The following BEND4 variants were observed in gnomAD, a reference collection of about 807,000 sequenced individuals.
The protein encoded by BEND4 is BEN domain-containing protein 4.
BEND4 carries 27 observed loss-of-function variants against 54.7 expected under a neutral mutation model. The ratio of observed to expected loss-of-function variants is 0.49; its 90% CI spans 0.36 to 0.68. BEND4 has a LOEUF of 0.68. Ranked by LOEUF, BEND4 falls within the 30% of genes least tolerant of loss-of-function variation. BEND4 has a pLI of 0.00. For missense variants in BEND4, 702 were observed against 697.2 expected (o/e 1.01, Z -0.08); for synonymous variants, 327 against 299.5 (o/e 1.09, Z -0.95).
rs185849094 is a variant in BEND4 at position 42,133,047 on chromosome 4, G to A, written c.1055-7373C>T. Among the ~76,000 whole-genome samples, 1,291 of 152,244 alleles carry A rather than the reference G, an allele frequency of 8.5e-3. 9 individuals carry two copies. Among genetic ancestry groups the A allele is most frequent in the Non-Finnish European group, 0.014 (929 of 68,010 alleles). On this transcript the variant is annotated intron_variant, in intron 3 of 5. Coordinates refer to ENST00000502486, the MANE Select transcript of BEND4 (RefSeq NM_207406.4). ...ATCCTGGAAACAGTAAAATACTTAAGAGGAAGAAAGGAAATAAGGAAGGTC... is the reference window on the plus strand; with the variant it reads ...ATCCTGGAAACAGTAAAATACTTAAAAGGAAGAAAGGAAATAAGGAAGGTC...
chr4:42,142,124 C>G (rs1409241028), intron 3 of BEND4, among the ~76,000 whole-genome samples: 1 of 151,418 alleles, frequency 6.6e-6, no homozygotes. Flanking sequence ...CCAGGATGGT[C>G]TCGATCACCT....
Position 42,132,965 on chromosome 4 carries a change from GATATTT to G in BEND4, c.1055-7297_1055-7292del, listed in dbSNP as rs374054677. ...CGTACCTACTACCTATCCTGATATTGATATTTATAATTTTTTTCTCCTCTATGTAAC... is the reference window on the plus strand; with the variant it reads ...CGTACCTACTACCTATCCTGATATTGATAATTTTTTTCTCCTCTATGTAAC... On this transcript the variant is annotated intron_variant, in intron 3 of 5. Coordinates refer to ENST00000502486, the MANE Select transcript of BEND4 (RefSeq NM_207406.4). 1.1e-3 allele frequency among the ~76,000 whole-genome samples: 170 copies of G among 152,238 alleles called. 2 individuals are homozygous for G. The highest frequency in any genetic ancestry group is 3.8e-3 in the African/African-American group (156 of 41,542).
chr4:42,148,875 A>C (rs1188657036), intron 2 of BEND4, among the ~76,000 whole-genome samples: 3 of 152,230 alleles, frequency 2.0e-5, no homozygotes, highest in Non-Finnish European at 4.4e-5. Context: ...ACAGAGGAAA[A>C]ATATGCTTTT....
At chr4:42,123,694 G>GAAAAAAAAAAACAAAAAAAAAAA (rs1553921966) in intron 4 of BEND4, among the ~76,000 whole-genome samples, 1 of 50,808 alleles carries the variant, frequency 2.0e-5, no homozygotes, top group African/African-American at 7.5e-5. Flanking sequence ...CTGTAATTCA[G>GAAAAAAAAAAACAAAAAAAAAAA]AAAAAAAAAA....
chr4:42,132,355 C>G (rs1458688162), intron 3 of BEND4, among the ~76,000 whole-genome samples: 1 of 152,194 alleles, frequency 6.6e-6, no homozygotes, highest in Non-Finnish European at 1.5e-5. Context: ...AGCAAGAGGT[C>G]AGGGGATCGT....
chr4:42,142,249 G>A (rs970308929), intron 3 of BEND4, among the ~76,000 whole-genome samples: 2 of 151,494 alleles, frequency 1.3e-5, no homozygotes, highest in African/African-American at 2.4e-5. Context: ...AATTAAAAAG[G>A]TTTGAAGAGA....
intron 1 of BEND4, 24 bp downstream of exon 1, chr4:42,152,508 C>CG (rs1721346054): frequency 6.4e-6 from 1 of 155,816 alleles, no homozygotes; most frequent in Non-Finnish European, 1.4e-5. Flanking sequence ...CGACGGGGAG[C>CG]GGGGGAAGGG....
At chr4:42,117,804 G>C in intron 5 of BEND4, 69 bp from the exon 6 acceptor site, 5 of 1,062,830 alleles carry the variant, frequency 4.7e-6, no homozygotes, top group Non-Finnish European at 6.8e-6. Context: ...GAAGATGACA[G>C]GGCAGGCTGC....
chr4:42,125,826 A>T (rs916017896), intron 3 of BEND4, among the ~76,000 whole-genome samples, 152 bp from the exon 4 acceptor site: 3 of 151,942 alleles, frequency 2.0e-5, no homozygotes, highest in Non-Finnish European at 4.4e-5. Context: ...GCAACCTTGA[A>T]CTCCCAGGCT....
Position 42,125,603 on chromosome 4 carries a change from G to C in BEND4, c.1126C>G (p.Pro376Ala). 1 of 1,613,686 alleles carries C rather than the reference G, an allele frequency of 6.2e-7. No homozygotes were observed. Among genetic ancestry groups the C allele is most frequent in the Non-Finnish European group, 8.5e-7 (1 of 1,179,662 alleles). The change falls in exon 4 of 6, where the codon CCA (proline) becomes GCA (alanine). Residue 376 changes from proline to alanine, a missense_variant. By Grantham distance (27) the Pro-to-Ala change is conservative. Coordinates refer to ENST00000502486, the MANE Select transcript of BEND4 (RefSeq NM_207406.4). ...QHHNQLLIPQ[P>A]ADQPTEGSKQ... is the part of the protein sequence containing the mutation. ...CCTACCTCTGTCGGCTGGTCAGCTG[G>C]CTGTGGTATCAGGAGTTGGTTGTGG...
chr4:42,149,726 G>C (rs1487851635), intron 2 of BEND4, among the ~76,000 whole-genome samples: 1 of 150,642 alleles, frequency 6.6e-6, no homozygotes, highest in Non-Finnish European at 1.5e-5. Flanking sequence ...AGAAAAGGAA[G>C]GAAAAAAAAA....
chr4:42,118,192 C>T (rs1421311872), intron 5 of BEND4, among the ~76,000 whole-genome samples: 1 of 152,136 alleles, frequency 6.6e-6, no homozygotes, highest in African/African-American at 2.4e-5. Flanking sequence ...AAATAACAGT[C>T]TTAATGACTG....
chr4:42,129,462 T>G (rs768883596), intron 3 of BEND4, among the ~76,000 whole-genome samples: 1 of 152,116 alleles, frequency 6.6e-6, no homozygotes, highest in Non-Finnish European at 1.5e-5. Context: ...AGAGCCCATA[T>G]AGCCATGACA....
chr4:42,113,731 T>C lies in BEND4; in HGVS notation c.*3787A>G, dbSNP rs1212219114. On this transcript the variant is annotated 3_prime_UTR_variant, in exon 6 of 6. Coordinates refer to ENST00000502486, the MANE Select transcript of BEND4 (RefSeq NM_207406.4). ...TCCTTATAATCCTGTAGGAATCTCT[T>C]ATGTCAATGTGTCTGTCACTGACAA... is the stretch of plus-strand genomic sequence containing the variant. 6.6e-6 allele frequency: 1 copy of C among 152,208 alleles called. No homozygotes were observed. The highest frequency in any genetic ancestry group is 1.9e-4 in the East Asian group (1 of 5,200). 9.4% of individuals were successfully genotyped at this position (152,208 alleles called of 1,614,324 possible). A position where few individuals can be genotyped will look rare whatever the true frequency, so the allele number is the denominator to read the frequency against.
intron 5 of BEND4, 138 bp from the exon 6 acceptor site, chr4:42,117,873 T>C: frequency 1.6e-6 from 1 of 631,210 alleles, no homozygotes; most frequent in South Asian, 2.1e-5. Flanking sequence ...CGCAATGCCA[T>C]GATGATGTCA....
intron 2 of BEND4, among the ~76,000 whole-genome samples, chr4:42,144,643 C>G (rs1721015321): frequency 6.6e-6 from 1 of 152,184 alleles, no homozygotes; most frequent in African/African-American, 2.4e-5. Flanking sequence ...GACTTCTTGT[C>G]AAGGCCAATG....
At chr4:42,146,490 A>C (rs1454925378) in intron 2 of BEND4, among the ~76,000 whole-genome samples, 1 of 152,268 alleles carries the variant, frequency 6.6e-6, no homozygotes, top group Non-Finnish European at 1.5e-5. Context: ...GTCTCACAAA[A>C]ATATTTGGGT....
rs1446122750 is a variant in BEND4 at position 42,151,697 on chromosome 4, G to A, written c.447C>T (p.Gly149=). ...GPGAAAAAGT[G]GTGSDSASLE... ...GGCTGGCGCTGTCGCTACCCGTGCC[G>A]CCGGTGCCGGCGGCCGCCGCCGCGC... Residue 149 remains glycine, a synonymous_variant, in exon 2 of 6, where the codon GGC becomes GGT. Transcript: ENST00000502486. 2 of 1,505,162 alleles carry A rather than the reference G, an allele frequency of 1.3e-6. No individual in the cohort carries two copies. The allele number at this position is 1,505,162 out of a possible 1,614,324, so 93.2% of individuals were successfully genotyped here.
At chr4:42,139,756 T>C (rs973913211) in intron 3 of BEND4, among the ~76,000 whole-genome samples, 3 of 152,234 alleles carry the variant, frequency 2.0e-5, no homozygotes, top group East Asian at 3.9e-4. Flanking sequence ...TCCATCCTGC[T>C]TGGCTGTAAA....
Sources: allele counts gnomAD v4.1 joint callset (sites outside exome capture counted in the v4.1 genomes callset), GRCh38; gene constraint gnomAD v4.1.1; transcripts MANE v1.5; gene names NCBI Gene and HGNC (gene_info 2026-07-23, HGNC 2026-07-21).